The following DENND1C variants were observed in gnomAD, a reference collection of about 807,000 sequenced individuals.
DENND1C encodes DENN domain containing 1C, also known as DENN domain-containing protein 1C.
In DENND1C, 64 loss-of-function variants were observed where a neutral mutation model predicts 87.9. That is an observed-to-expected ratio of 0.73 (90% CI 0.60 to 0.90). The LOEUF (loss-of-function observed/expected upper bound fraction) is 0.90. Among genes scored for constraint, DENND1C ranks in the 40% least tolerant of loss-of-function variants. DENND1C has a pLI of 0.00. For missense variants in DENND1C, 980 were observed against 1,037.0 expected (o/e 0.95, Z 0.76); for synonymous variants, 384 against 424.4 (o/e 0.90, Z 1.17).
In DENND1C at chr19:6,471,463, C is replaced by G. The variant is rs2092829146; in HGVS notation, c.1192G>C (p.Gly398Arg). Reference sequence around the variant, plus strand: ...TCGAATTGATCTGAGAAGCCCTCCCCCTTGTTGAGCTTCTCCAGCCGGGCT... The same window carrying G: ...TCGAATTGATCTGAGAAGCCCTCCCGCTTGTTGAGCTTCTCCAGCCGGGCT... ...IEARLEKLNK[G>R]EGFSDQFEQE... is the part of the protein sequence containing the mutation. Residue 398 changes from glycine (G) to arginine (R), a missense_variant, in exon 16 of 23, where the codon GGG becomes CGG. Coordinates refer to ENST00000381480, the MANE Select transcript of DENND1C (RefSeq NM_024898.4). 1.3e-6 allele frequency: 2 copies of G among 1,578,268 alleles called. No homozygotes were observed. Among genetic ancestry groups the G allele is most frequent in the Non-Finnish European group, 8.6e-7 (1 of 1,161,900 alleles).
rs2092864474 is a variant in DENND1C at position 6,476,916 on chromosome 19, G to A, written c.619C>T (p.Leu207=). The A allele has an allele frequency of 3.1e-6, 5 of 1,613,536 alleles. No homozygotes were observed. The African/African-American group carries it at 4.0e-5, about 13-fold the overall frequency. ...VAVTDENIVG[L]FAALLAERRV... Reference sequence around the variant, plus strand: ...CTCTCGGCCAGGAGCGCCGCGAACAGCCCCACGATGTTCTCGTCAGTCACG... The same window carrying A: ...CTCTCGGCCAGGAGCGCCGCGAACAACCCCACGATGTTCTCGTCAGTCACG... Residue 207 remains leucine (L), a synonymous_variant, in exon 10 of 23, where the codon CTG becomes TTG. Coordinates refer to ENST00000381480, the MANE Select transcript of DENND1C (RefSeq NM_024898.4).
chr19:6,468,879 C>A lies in DENND1C; in HGVS notation c.1482G>T (p.Gln494His). ...PALPSRSDRL[Q>H]QRLPITQHFG... ...AGTGCTGAGTGATTGGGAGGCGTTG[C>A]TGCAGGCGGTCTGAGCGGCTGGGGA... The change falls in exon 20 of 23, where the codon CAG becomes CAT. Residue 494 changes from glutamine (Q) to histidine (H), a missense_variant. Gln to His is a conservative substitution (Grantham distance 24). Transcript: ENST00000381480. 6.6e-7 allele frequency: 1 copy of A among 1,511,814 alleles called. No homozygotes were observed. Among genetic ancestry groups the A allele is most frequent in the South Asian group, 1.4e-5 (1 of 72,484 alleles). The allele number at this position is 1,511,814 out of a possible 1,614,324, so 93.6% of individuals were successfully genotyped here. A position where few individuals can be genotyped will look rare whatever the true frequency, so the allele number is the denominator to read the frequency against.
intron 18 of DENND1C, 111 bp from the exon 19 acceptor site, chr19:6,469,751 A>G: frequency 8.9e-7 from 1 of 1,126,330 alleles, no homozygotes. Context: ...TGCATGTCTC[A>G]AATACGTTCA....
chr19:6,480,603 T>C (rs1307024071), intron 1 of DENND1C: 1 of 416,928 alleles, frequency 2.4e-6, no homozygotes, highest in East Asian at 1.8e-4. Flanking sequence ...TCTATCTATC[T>C]ATCTATCTAT....
chr19:6,470,164 GT>G (rs1306568095), intron 18 of DENND1C, 130 bp downstream of exon 18: 1 of 874,982 alleles, frequency 1.1e-6, no homozygotes. Flanking sequence ...TGCTGGTTCA[GT>G]TCTGATTAAA....
chr19:6,471,344 G>A (rs561041826), intron 16 of DENND1C, 39 bp from the exon 17 acceptor site: 5 of 1,593,544 alleles, frequency 3.1e-6, no homozygotes, highest in Admixed American at 1.8e-5. Context: ...CCGAAGGCTG[G>A]CTGAGGCTGG....
At chr19:6,470,698 T>C (rs2092823999) in intron 17 of DENND1C, among the ~76,000 whole-genome samples, 1 of 146,070 alleles carries the variant, frequency 6.8e-6, no homozygotes, top group South Asian at 2.3e-4. Flanking sequence ...CTCGGCTCAC[T>C]GCAACCTCCA....
intron 2 of DENND1C, 34 bp from the exon 3 acceptor site, chr19:6,479,936 C>T (rs749650102): frequency 1.3e-6 from 2 of 1,594,408 alleles, no homozygotes; most frequent in East Asian, 2.3e-5. Flanking sequence ...AGTTCAGCGA[C>T]CCAGGCCCAC....
intron 10 of DENND1C, 96 bp from the exon 11 acceptor site, chr19:6,476,033 C>T (rs1166492398): frequency 1.8e-6 from 2 of 1,119,796 alleles, no homozygotes; most frequent in South Asian, 1.5e-5. Context: ...CTCCTGTTCC[C>T]CCTCCCCATC....
In DENND1C at chr19:6,477,019, C is replaced by T. The variant is rs2092865257; in HGVS notation, c.568-52G>A. The T allele has an allele frequency of 9.3e-6, 15 of 1,613,396 alleles. No individual in the cohort carries two copies. In the South Asian group the frequency reaches 1.6e-4, roughly 18 times the overall value. On this transcript the variant is annotated intron_variant, in intron 9 of 22. Transcript: ENST00000381480. ...GTGGACGGGCCCCTGGATCTTGCAT[C>T]CCCGGTCCGGGTTTCGGGACCTGTT... is the stretch of plus-strand genomic sequence containing the variant.
At chr19:6,481,127 C>T (rs1209582075) in intron 1 of DENND1C, among the ~76,000 whole-genome samples, 6 of 151,388 alleles carry the variant, frequency 4.0e-5, no homozygotes, top group Non-Finnish European at 8.8e-5. Context: ...TACTGTAAGC[C>T]CTGCAATCTC....
rs141830432 is a variant in DENND1C at position 6,467,608 on chromosome 19, G to A, written c.2302C>T (p.Pro768Ser). ...GTAGCAGGGGAATTCAGGGCTCCTG[G>A]TTCCTCCCGTGGCTGGAGGTGAGCG... is the stretch of plus-strand genomic sequence containing the variant. The part of the protein sequence containing the change: ...ERAHLQPREE[P>S]GALNSPATPT... Residue 768 changes from proline to serine, a missense_variant, in exon 23 of 23, where the codon CCA becomes TCA. Pro to Ser is a moderately conservative substitution (Grantham distance 74). Coordinates refer to ENST00000381480, the MANE Select transcript of DENND1C (RefSeq NM_024898.4). The A allele has an allele frequency of 5.7e-6, 9 of 1,580,012 alleles. No homozygotes were observed. The African/African-American group carries it at 1.1e-4, about 19-fold the overall frequency.
Position 6,480,043 on chromosome 19 carries a change from G to T in DENND1C, c.26C>A (p.Ser9Tyr). Residue 9 changes from serine to tyrosine, a missense_variant, in exon 2 of 23, where the codon TCC (serine) becomes TAC (tyrosine). Physicochemically the swap from Ser to Tyr is moderately radical, Grantham distance 144. Coordinates refer to ENST00000381480, the MANE Select transcript of DENND1C (RefSeq NM_024898.4). MESRAEGG[S>Y]PAVFDWFFEA... ...GAAGAACCAATCAAACACAGCAGGG[G>T]AGCCCCCTCTGTGGGATGCAGAAGG... is the stretch of plus-strand genomic sequence containing the variant. 1 of 1,608,294 alleles carries T rather than the reference G, an allele frequency of 6.2e-7. No individual in the cohort carries two copies. The highest frequency in any genetic ancestry group is 8.5e-7 in the Non-Finnish European group (1 of 1,177,974).
At position 6,475,764 on chromosome 19, in the gene DENND1C, G is replaced by A. The variant is rs1263274671; in HGVS notation, c.780-13C>T. The stretch of plus-strand genomic sequence containing the variant: ...GGGCATGGGCGCGCTGCGGACCGAG[G>A]GGACGGGGTCATGCAGGCACCGCCC... On this transcript the variant is annotated splice_polypyrimidine_tract_variant and intron_variant, in intron 11 of 22. Transcript: ENST00000381480. 2 of 1,549,750 alleles carry A rather than the reference G, an allele frequency of 1.3e-6. No homozygotes were observed. Among genetic ancestry groups the A allele is most frequent in the Non-Finnish European group, 1.7e-6 (2 of 1,145,684 alleles).
intron 10 of DENND1C, chr19:6,476,269 C>T: frequency 3.1e-6 from 1 of 317,966 alleles, no homozygotes; most frequent in Non-Finnish European, 5.8e-6. Flanking sequence ...GGAGCTATGA[C>T]GTAGACCGCC....
At chr19:6,472,833 CG>C (rs944350441) in intron 15 of DENND1C, 55 bp downstream of exon 15, 2 of 1,382,388 alleles carry the variant, frequency 1.4e-6, no homozygotes, top group African/African-American at 1.5e-5. Flanking sequence ...GACAAGCCCT[CG>C]GGGACTCAGC....
intron 14 of DENND1C, among the ~76,000 whole-genome samples, 186 bp from the exon 15 acceptor site, chr19:6,473,179 G>A (rs759534463): frequency 2.0e-5 from 3 of 152,126 alleles, no homozygotes; most frequent in East Asian, 1.9e-4. Context: ...TTTTTGAGAC[G>A]GAGTCTCGCT....
At chr19:6,469,134 C>T (rs188646543) in intron 19 of DENND1C, among the ~76,000 whole-genome samples, 181 bp from the exon 20 acceptor site, 7 of 152,162 alleles carry the variant, frequency 4.6e-5, no homozygotes, top group Admixed American at 2.0e-4. Flanking sequence ...CAGGTTCAAG[C>T]GATTCTCATG....
In DENND1C at chr19:6,479,304, A is replaced by T. The variant is rs548282387; in HGVS notation, c.177-248T>A. ...GGATCTCTGGGTCCTTGAATCCCTAAGTCCCTGGGTTCCTCAGTCCCTGAG... is the reference window on the plus strand; with the variant it reads ...GGATCTCTGGGTCCTTGAATCCCTATGTCCCTGGGTTCCTCAGTCCCTGAG... On this transcript the variant is annotated intron_variant, in intron 4 of 22. Transcript: ENST00000381480. Among the ~76,000 whole-genome samples the T allele has an allele frequency of 1.2e-3, 168 of 143,042 alleles. 1 individual carries two copies. Among genetic ancestry groups the T allele is most frequent in the African/African-American group, 4.7e-3 (158 of 33,574 alleles). The allele number at this position is 143,042 out of a possible 152,430, so 93.8% of individuals were successfully genotyped here.
Sources: gnomAD v4.1 joint callset for allele counts (sites outside exome capture counted in the v4.1 genomes callset) on GRCh38, gnomAD v4.1.1 for gene constraint, MANE v1.5 for transcripts, NCBI Gene and HGNC (gene_info 2026-07-23, HGNC 2026-07-21) for gene names.